VPS13D: variants seen among roughly 807,000 people sequenced by gnomAD.
The protein encoded by VPS13D is intermembrane lipid transfer protein VPS13D.
VPS13D carries 187 observed loss-of-function variants against 461.9 expected under a neutral mutation model. The ratio of observed to expected loss-of-function variants is 0.40; its 90% confidence interval spans 0.36 to 0.46. The LOEUF (loss-of-function observed/expected upper bound fraction) is 0.46. VPS13D is among the 20% of genes least tolerant of loss of function. VPS13D has a pLI of 0.60. For missense variants in VPS13D, 4,711 were observed against 5,364.9 expected (o/e 0.88, Z 3.81); for synonymous variants, 1,951 against 1,986.3 (o/e 0.98, Z 0.47).
intron 26 of VPS13D, among the ~76,000 whole-genome samples, chr1:12,305,759 G>A (rs1484095970): frequency 1.3e-5 from 2 of 152,144 alleles, no homozygotes; most frequent in Non-Finnish European, 2.9e-5. Flanking sequence ...TGAGTGTCTT[G>A]TTACATAGAT....
intron 46 of VPS13D, 37 bp downstream of exon 46, chr1:12,349,411 C>CT (rs752251085): frequency 0.011 from 14,761 of 1,338,414 alleles, no homozygotes; most frequent in Non-Finnish European, 0.013. Flanking sequence ...TCACTTTTGC[C>CT]TTTTTTTTTT....
intron 29 of VPS13D, among the ~76,000 whole-genome samples, 186 bp downstream of exon 29, chr1:12,312,111 T>C (rs536689892): frequency 1.1e-4 from 17 of 152,350 alleles, no homozygotes; most frequent in Admixed American, 2.0e-4. Context: ...TCAGTCAACA[T>C]AGGTTAGGTT....
intron 1 of VPS13D, among the ~76,000 whole-genome samples, chr1:12,231,760 G>C (rs1313022767): frequency 6.6e-6 from 1 of 152,196 alleles, no homozygotes; most frequent in Non-Finnish European, 1.5e-5. Context: ...AGGCCAAAGT[G>C]GGCAGATCGC....
chr1:12,241,143 G>A (rs1424127300), intron 2 of VPS13D, among the ~76,000 whole-genome samples: 1 of 151,876 alleles, frequency 6.6e-6, no homozygotes, highest in East Asian at 1.9e-4. Context: ...GGGTCTTGCC[G>A]TATTGCCCAG....
chr1:12,436,887 C>T (rs1310654266), intron 65 of VPS13D, among the ~76,000 whole-genome samples: 2 of 152,156 alleles, frequency 1.3e-5, no homozygotes, highest in East Asian at 1.9e-4. Context: ...AGGCTGGTCT[C>T]GAACTCCCGA....
intron 2 of VPS13D, among the ~76,000 whole-genome samples, chr1:12,237,170 A>G (rs1157621374): frequency 6.6e-6 from 1 of 152,094 alleles, no homozygotes; most frequent in Non-Finnish European, 1.5e-5. Context: ...GATTGCATCC[A>G]CATATGAAAA....
intron 65 of VPS13D, among the ~76,000 whole-genome samples, chr1:12,449,217 T>C (rs768898835): frequency 7.2e-5 from 11 of 152,184 alleles, no homozygotes; most frequent in Non-Finnish European, 1.3e-4. Context: ...GCCTGTATTG[T>C]TTTTATTCAG....
intron 1 of VPS13D, among the ~76,000 whole-genome samples, chr1:12,233,876 A>T (rs1254355269): frequency 1.3e-5 from 2 of 151,270 alleles, no homozygotes; most frequent in African/African-American, 4.9e-5. Context: ...GTGAAACCCC[A>T]TCTCTACTAA....
chr1:12,491,921 G>A (rs954791119), intron 67 of VPS13D, among the ~76,000 whole-genome samples: 9 of 152,340 alleles, frequency 5.9e-5, no homozygotes, highest in East Asian at 3.9e-4. Flanking sequence ...TAAATATACC[G>A]CAGACCTTTG....
chr1:12,400,149 G>C (rs1369056510), intron 60 of VPS13D, 32 bp from the exon 61 acceptor site: 1 of 1,603,694 alleles, frequency 6.2e-7, no homozygotes. Context: ...GTCTGTTTTT[G>C]TTTTTGCTTT....
intron 67 of VPS13D, among the ~76,000 whole-genome samples, chr1:12,468,646 C>G (rs1474875127): frequency 6.6e-6 from 1 of 152,190 alleles, no homozygotes; most frequent in East Asian, 1.9e-4. Context: ...TTGCCAGTCT[C>G]CTTCTCAAAG....
chr1:12,326,093 T>C (rs1461113051), intron 35 of VPS13D, among the ~76,000 whole-genome samples: 1 of 151,736 alleles, frequency 6.6e-6, no homozygotes, highest in Non-Finnish European at 1.5e-5. Context: ...GTGAAAAGGC[T>C]TGTTTCATGA....
intron 21 of VPS13D, 50 bp from the exon 22 acceptor site, chr1:12,288,173 A>G (rs1268604225): frequency 6.7e-7 from 1 of 1,491,658 alleles, no homozygotes; most frequent in Non-Finnish European, 9.3e-7. Flanking sequence ...CCTGAAAGAT[A>G]CCTTTTCTCC....
chr1:12,501,660 G>A (rs760024973), intron 68 of VPS13D, among the ~76,000 whole-genome samples: 11 of 152,238 alleles, frequency 7.2e-5, no homozygotes, highest in Admixed American at 6.5e-4. Flanking sequence ...CTATGTGCCA[G>A]GGTGAGTAAG....
intron 65 of VPS13D, among the ~76,000 whole-genome samples, chr1:12,420,615 T>C (rs1461720242): frequency 1.3e-5 from 2 of 152,234 alleles, no homozygotes; most frequent in East Asian, 3.8e-4. Flanking sequence ...GTTTCTTTTG[T>C]ATCCTCAGGG....
Position 12,505,045 on chromosome 1 carries a change from C to T in VPS13D, c.12795-1808C>T, listed in dbSNP as rs1570300859. Among the ~76,000 whole-genome samples, 1 of 152,232 alleles carries T rather than the reference C, an allele frequency of 6.6e-6. No homozygotes were observed. The highest frequency in any genetic ancestry group is 1.9e-4 in the East Asian group (1 of 5,196). On this transcript the variant is annotated intron_variant, in intron 68 of 69. Coordinates refer to ENST00000620676, the MANE Select transcript of VPS13D (RefSeq NM_015378.4). This position sits in a 1 kb window ranked among gnomAD's most constrained non-coding sequence, Gnocchi z 4.2. ...GTTGGATTTTTCATGCACATTCCTG[C>T]TGTCATCCCAATCATGGTGGCCAAC...
chr1:12,439,178 C>T (rs1051043530), intron 65 of VPS13D, among the ~76,000 whole-genome samples: 1 of 152,146 alleles, frequency 6.6e-6, no homozygotes, highest in African/African-American at 2.4e-5. Flanking sequence ...GCTTGTGCAA[C>T]CTCACGAAGC....
At chr1:12,421,641 T>C (rs1447439030) in intron 65 of VPS13D, among the ~76,000 whole-genome samples, 1 of 152,210 alleles carries the variant, frequency 6.6e-6, no homozygotes, top group Admixed American at 6.5e-5. Context: ...ATCTCAGATA[T>C]TAACAATAGA....
Position 12,509,326 on chromosome 1 carries a change from T to C in VPS13D, c.*302T>C. 1 of 307,088 alleles carries C rather than the reference T, an allele frequency of 3.3e-6. No individual in the cohort carries two copies. The allele number at this position is 307,088 out of a possible 1,614,324, so 19.0% of individuals were successfully genotyped here. ...GCCCTGTATTTTGTTAACATGTATA[T>C]ATGTACAACAGTGTGTTTGTAAATA... is the stretch of plus-strand genomic sequence containing the variant. On this transcript the variant is annotated 3_prime_UTR_variant, in exon 70 of 70. Transcript: ENST00000620676.
Sources: allele counts gnomAD v4.1 joint callset (sites outside exome capture counted in the v4.1 genomes callset), GRCh38; gene constraint gnomAD v4.1.1; non-coding constraint Gnocchi (gnomAD v3.1); transcripts MANE v1.5; gene names NCBI Gene and HGNC (gene_info 2026-07-23, HGNC 2026-07-21).